The following S100PBP variants were observed in gnomAD, a reference collection of about 807,000 sequenced individuals.
The protein encoded by S100PBP is S100P-binding protein.
Under a neutral mutation model 39.9 loss-of-function variants are expected in S100PBP, and 15 were observed. That is an observed-to-expected ratio of 0.38 (90% CI 0.25 to 0.58). The LOEUF is 0.58. S100PBP is among the 20% of genes least tolerant of loss of function. The pLI is 0.70. For synonymous variants in S100PBP, 178 were observed against 180.3 expected (o/e 0.99, Z 0.10); for missense variants, 504 against 487.3 (o/e 1.03, Z -0.32).
At chr1:32,837,115 G>A (rs1372529508) in intron 5 of S100PBP, 2 of 137,280 alleles carry the variant, frequency 1.5e-5, no homozygotes, top group Non-Finnish European at 3.1e-5. Context: ...GTGGTGGCGG[G>A]TGCCTGTAGT....
At chr1:32,845,778 C>T (rs1000516923) in intron 5 of S100PBP, among the ~76,000 whole-genome samples, 1 of 151,508 alleles carries the variant, frequency 6.6e-6, no homozygotes, top group Non-Finnish European at 1.5e-5. Context: ...CTCCCGGGCT[C>T]GTGATCTTCC....
chr1:32,838,556 G>A lies in S100PBP; in HGVS notation c.1024+8489G>A, dbSNP rs1265209535. On this transcript the variant is annotated intron_variant, in intron 5 of 6. Transcript: ENST00000373475. ...CTTTTTAAAACCTCTTTATAAAAAC[G>A]TTTTGGCTGGGTGCAGTGGCTCACG... is the stretch of plus-strand genomic sequence containing the variant. 2.0e-5 allele frequency among the ~76,000 whole-genome samples: 3 copies of A among 151,266 alleles called. No individual in the cohort carries two copies. The East Asian group carries it at 5.9e-4, about 30-fold the overall frequency.
chr1:32,826,413 G>A lies in S100PBP; in HGVS notation c.314G>A (p.Gly105Glu), dbSNP rs79708363. ...GAGAAAAATTCATCGTACAGCCTGGGACCAGTAGCTGAGACTCCTGACCTC... is the reference window on the plus strand; with the variant it reads ...GAGAAAAATTCATCGTACAGCCTGGAACCAGTAGCTGAGACTCCTGACCTC... Reference protein sequence around the residue: ...PREKNSSYSLGPVAETPDLFK... With the variant: ...PREKNSSYSLEPVAETPDLFK... The change falls in exon 3 of 7, where the codon GGA (glycine) becomes GAA (glutamate). Residue 105 changes from glycine to glutamate, a missense_variant. Coordinates refer to ENST00000373475, the MANE Select transcript of S100PBP (RefSeq NM_022753.4). 3,266 of 1,613,986 alleles carry A rather than the reference G, an allele frequency of 2.0e-3. 58 individuals are homozygous for A. In the African/African-American group the frequency reaches 0.038, roughly 19 times the overall value.
chr1:32,826,628 C>A lies in S100PBP; in HGVS notation c.529C>A (p.Leu177Ile). Residue 177 changes from leucine to isoleucine, a missense_variant, in exon 3 of 7, where the codon CTT becomes ATT. Transcript: ENST00000373475. ...CAAAGATACTGAAAAACTCTCTTCC[C>A]TTGGAGAAGAGATGAGAGAAGATGG... ...SSKDTEKLSS[L>I]GEEMREDGLS... 1 of 1,614,096 alleles carries A rather than the reference C, an allele frequency of 6.2e-7. No homozygotes were observed. The highest frequency in any genetic ancestry group is 8.5e-7 in the Non-Finnish European group (1 of 1,180,038).
chr1:32,830,823 G>T (rs1175604263), intron 5 of S100PBP, among the ~76,000 whole-genome samples: 1 of 152,138 alleles, frequency 6.6e-6, no homozygotes, highest in Non-Finnish European at 1.5e-5. Flanking sequence ...AGGCAGGCAG[G>T]TCATTTGAGG....
At chr1:32,842,236 T>TATAC (rs372174677) in intron 5 of S100PBP, among the ~76,000 whole-genome samples, 1,354 of 80,834 alleles carry the variant, frequency 0.017, 30 homozygotes, top group African/African-American at 0.06. Context: ...TATATATATA[T>TATAC]ACACACACAC....
At chr1:32,825,000 A>G (rs1639262434) in intron 1 of S100PBP, 1 of 152,084 alleles carries the variant, frequency 6.6e-6, no homozygotes, top group South Asian at 2.1e-4. Flanking sequence ...GGAGCTGGCT[A>G]GTGATACAAC....
At chr1:32,817,401 C>G (rs1224825373), upstream of S100PBP, 1 of 896,932 alleles carries the variant, frequency 1.1e-6, no homozygotes, top group Admixed American at 2.3e-5. Flanking sequence ...CCTCCGGCAG[C>G]GGCCGGAAAA....
rs867876278 is a variant in S100PBP at position 32,855,358 on chromosome 1, C to T, written c.1113-566C>T. On this transcript the variant is annotated intron_variant, in intron 6 of 6. Coordinates refer to ENST00000373475, the MANE Select transcript of S100PBP (RefSeq NM_022753.4). ...TCAGATTATCTCAGAGCGTCTTGCT[C>T]AGAACTGCAGCCCAGCACATAACTA... is the stretch of plus-strand genomic sequence containing the variant. Among the ~76,000 whole-genome samples, 20 of 152,296 alleles carry T rather than the reference C, an allele frequency of 1.3e-4. No homozygotes were observed. In the Middle Eastern group the frequency reaches 0.01, roughly 78 times the overall value.
intron 5 of S100PBP, among the ~76,000 whole-genome samples, chr1:32,832,631 G>A (rs1249679496): frequency 6.6e-6 from 1 of 152,166 alleles, no homozygotes; most frequent in Non-Finnish European, 1.5e-5. Context: ...CTTATTGCAA[G>A]GGCGGGGGTG....
chr1:32,826,963 A>G (rs758412619), intron 3 of S100PBP, 33 bp downstream of exon 3: 2 of 1,421,980 alleles, frequency 1.4e-6, no homozygotes, highest in South Asian at 2.7e-5. Flanking sequence ...GAAGAGAAAA[A>G]TGAAATTATT....
At chr1:32,845,803 A>T (rs1357523953) in intron 5 of S100PBP, among the ~76,000 whole-genome samples, 1 of 150,912 alleles carries the variant, frequency 6.6e-6, no homozygotes, top group Non-Finnish European at 1.5e-5. Context: ...TCAGCCTCCC[A>T]AGTAGCTGGG....
At chr1:32,822,293 A>G (rs752392348) in intron 1 of S100PBP, among the ~76,000 whole-genome samples, 6 of 152,084 alleles carry the variant, frequency 3.9e-5, no homozygotes, top group Non-Finnish European at 8.8e-5. Context: ...TATATGTTTT[A>G]CTTTCTTTAT....
At chr1:32,828,165 C>A in intron 4 of S100PBP, 84 bp downstream of exon 4, 1 of 892,354 alleles carries the variant, frequency 1.1e-6, no homozygotes, top group Non-Finnish European at 1.7e-6. Context: ...CCTCTTAGTG[C>A]AGGGAAAAAA....
In S100PBP at chr1:32,828,075, A is replaced by G. The variant is rs1308152815; in HGVS notation, c.914A>G (p.Lys305Arg). 1.3e-6 allele frequency: 2 copies of G among 1,580,218 alleles called. No individual in the cohort carries two copies. The highest frequency in any genetic ancestry group is 1.7e-6 in the Non-Finnish European group (2 of 1,150,022). Reference sequence around the variant, plus strand: ...AAAGTCATTCCTGTTCTACAAACTAAGACCAGGTAATGTAAAGTATAATTA... The same window carrying G: ...AAAGTCATTCCTGTTCTACAAACTAGGACCAGGTAATGTAAAGTATAATTA... Reference protein sequence around the residue: ...LGKVIPVLQTKTRTNVPTFSQ... With the variant: ...LGKVIPVLQTRTRTNVPTFSQ... Residue 305 changes from lysine to arginine, a missense_variant, in exon 4 of 7, where the codon AAG (lysine) becomes AGG (arginine). By Grantham distance (26) the Lys-to-Arg change is conservative. Coordinates refer to ENST00000373475, the MANE Select transcript of S100PBP (RefSeq NM_022753.4).
intron 5 of S100PBP, among the ~76,000 whole-genome samples, chr1:32,843,657 T>G (rs1189681150): frequency 2.0e-5 from 3 of 152,166 alleles, no homozygotes; most frequent in Non-Finnish European, 2.9e-5. Flanking sequence ...TTCTCCATAT[T>G]GGTCAGGCTG....
intron 2 of S100PBP, among the ~76,000 whole-genome samples, chr1:32,825,749 A>G (rs775369416): frequency 1.3e-5 from 2 of 152,216 alleles, no homozygotes; most frequent in Non-Finnish European, 2.9e-5. Context: ...ATGAAGTTCT[A>G]GAAGTGAAAT....
chr1:32,826,436 C>A lies in S100PBP; in HGVS notation c.337C>A (p.Leu113Ile), dbSNP rs922098944. Residue 113 changes from leucine (L) to isoleucine (I), a missense_variant, in exon 3 of 7, where the codon CTC becomes ATC. Transcript: ENST00000373475. ...GGGACCAGTAGCTGAGACTCCTGAC[C>A]TCTTCAAACTACCTCAGCTAAGTAC... ...SLGPVAETPDLFKLPQLSTSS... is the reference protein window; with the variant it reads ...SLGPVAETPDIFKLPQLSTSS... 6.2e-7 allele frequency: 1 copy of A among 1,613,902 alleles called. No individual in the cohort carries two copies. The highest frequency in any genetic ancestry group is 8.5e-7 in the Non-Finnish European group (1 of 1,180,012).
intron 5 of S100PBP, among the ~76,000 whole-genome samples, chr1:32,830,866 C>T (rs1364848451): frequency 2.0e-5 from 3 of 152,038 alleles, no homozygotes; most frequent in Non-Finnish European, 4.4e-5. Context: ...GCCAGCATGG[C>T]AAAACCCCAT....
Sources: gnomAD v4.1 joint callset for allele counts (sites outside exome capture counted in the v4.1 genomes callset) on GRCh38, gnomAD v4.1.1 for gene constraint, MANE v1.5 for transcripts, NCBI Gene and HGNC (gene_info 2026-07-23, HGNC 2026-07-21) for gene names.